NDC1: variants seen among roughly 807,000 people sequenced by gnomAD.
The protein encoded by NDC1 is nucleoporin NDC1.
NDC1 carries 24 observed loss-of-function variants against 89.8 expected under a neutral mutation model. That is an observed-to-expected ratio of 0.27 (90% CI 0.19 to 0.38). The LOEUF is 0.38. Among genes scored for constraint, NDC1 ranks in the 10% least tolerant of loss-of-function variants. The pLI is 1.00. For synonymous variants in NDC1, 296 were observed against 284.8 expected (o/e 1.04, Z -0.39); for missense variants, 728 against 797.6 (o/e 0.91, Z 1.05).
At chr1:53,788,664 T>G (rs1294874641) in intron 15 of NDC1, among the ~76,000 whole-genome samples, 1 of 151,984 alleles carries the variant, frequency 6.6e-6, no homozygotes, top group Non-Finnish European at 1.5e-5. Context: ...TGACCTCAGG[T>G]GATCCACCTG....
At position 53,800,259 on chromosome 1, in the gene NDC1, T is replaced by C. The variant is rs139157954; in HGVS notation, c.1222+434A>G. Among the ~76,000 whole-genome samples the C allele has an allele frequency of 3.6e-3, 542 of 152,152 alleles. 4 individuals are homozygous for C. The highest frequency in any genetic ancestry group is 0.012 in the African/African-American group (488 of 41,494). Reference sequence around the variant, plus strand: ...TTTCTTGGTTCAATATAAGATGCTATATGTTGGATCAATTTTCCCTAAAAA... The same window carrying C: ...TTTCTTGGTTCAATATAAGATGCTACATGTTGGATCAATTTTCCCTAAAAA... On this transcript the variant is annotated intron_variant, in intron 11 of 17. Coordinates refer to ENST00000371429, the MANE Select transcript of NDC1 (RefSeq NM_018087.5).
intron 16 of NDC1, among the ~76,000 whole-genome samples, chr1:53,774,903 T>TA (rs1553146471): frequency 6.6e-6 from 1 of 151,900 alleles, no homozygotes; most frequent in Non-Finnish European, 1.5e-5. Context: ...AAAAACTAAA[T>TA]AAATAAAATA....
At chr1:53,797,446 C>G (rs1647757729) in intron 11 of NDC1, among the ~76,000 whole-genome samples, 1 of 152,132 alleles carries the variant, frequency 6.6e-6, no homozygotes, top group Non-Finnish European at 1.5e-5. Context: ...ATGAACTCAT[C>G]AATTCACATT....
intron 17 of NDC1, chr1:53,771,145 G>T: frequency 5.2e-6 from 1 of 194,036 alleles, no homozygotes; most frequent in South Asian, 1.2e-4. Flanking sequence ...AAGGTCTACG[G>T]GTATGCCCTT....
At chr1:53,798,169 T>TTATTATTAA (rs1647786504) in intron 11 of NDC1, among the ~76,000 whole-genome samples, 1 of 146,686 alleles carries the variant, frequency 6.8e-6, no homozygotes, top group Non-Finnish European at 1.5e-5. Flanking sequence ...ATTATTATTA[T>TTATTATTAA]TATTATTATT....
chr1:53,837,217 C>A (rs1183558899), intron 1 of NDC1, among the ~76,000 whole-genome samples: 1 of 152,092 alleles, frequency 6.6e-6, no homozygotes, highest in Non-Finnish European at 1.5e-5. Context: ...ACTAGTTGAG[C>A]CCAGGAGCTC....
intron 14 of NDC1, among the ~76,000 whole-genome samples, chr1:53,789,551 C>T (rs1453342529): frequency 1.3e-5 from 2 of 152,220 alleles, no homozygotes; most frequent in Non-Finnish European, 2.9e-5. Flanking sequence ...TGCAGTGGCT[C>T]ATGCCTGTAA....
chr1:53,784,253 A>ACG (rs1226599504), intron 16 of NDC1, among the ~76,000 whole-genome samples: 3 of 145,986 alleles, frequency 2.1e-5, no homozygotes, highest in Non-Finnish European at 3.1e-5. Flanking sequence ...ACACACACGC[A>ACG]CACACTATAT....
chr1:53,819,134 A>G (rs937707706), intron 5 of NDC1, 55 bp from the exon 6 acceptor site: 2 of 823,070 alleles, frequency 2.4e-6, no homozygotes, highest in South Asian at 3.1e-5. Context: ...TGATACACTC[A>G]ACATCACCTT....
intron 6 of NDC1, among the ~76,000 whole-genome samples, chr1:53,815,590 A>T (rs1429836675): frequency 1.3e-5 from 2 of 152,228 alleles, no homozygotes; most frequent in Non-Finnish European, 2.9e-5. Context: ...TAGTACTGGA[A>T]GTCCTAGCTA....
chr1:53,808,445 C>CATATAAGAGTGGCAT (rs1648188670), intron 7 of NDC1, among the ~76,000 whole-genome samples: 3 of 152,330 alleles, frequency 2.0e-5, no homozygotes, highest in East Asian at 3.9e-4. Context: ...TTTCCTCATC[C>CATATAAGAGTGGCAT]ATATAAGAGT....
intron 13 of NDC1, among the ~76,000 whole-genome samples, chr1:53,794,452 C>T (rs541290441): frequency 1.1e-3 from 169 of 152,276 alleles, no homozygotes; most frequent in African/African-American, 3.8e-3. Flanking sequence ...GAAAGTGACA[C>T]GGCAGTACTA....
intron 7 of NDC1, among the ~76,000 whole-genome samples, chr1:53,808,381 T>C (rs1048710276): frequency 1.3e-5 from 2 of 151,874 alleles, no homozygotes; most frequent in African/African-American, 4.9e-5. Flanking sequence ...AACCTGACTC[T>C]GCCATTTCTA....
intron 10 of NDC1, 91 bp from the exon 11 acceptor site, chr1:53,800,939 T>C: frequency 2.3e-6 from 3 of 1,288,206 alleles, no homozygotes; most frequent in Non-Finnish European, 3.2e-6. Context: ...AATTCTACAT[T>C]ATGCTTGGCA....
At chr1:53,834,241 G>C (rs923948200) in intron 2 of NDC1, among the ~76,000 whole-genome samples, 2 of 152,242 alleles carry the variant, frequency 1.3e-5, no homozygotes, top group East Asian at 1.9e-4. Context: ...TTTGTCCCCA[G>C]TGCCAATTGT....
At chr1:53,822,887 T>C (rs950323806) in intron 5 of NDC1, among the ~76,000 whole-genome samples, 10 of 152,144 alleles carry the variant, frequency 6.6e-5, no homozygotes, top group Non-Finnish European at 1.0e-4. Context: ...TCGCGCTCTA[T>C]AGAGGGTCAG....
intron 2 of NDC1, among the ~76,000 whole-genome samples, chr1:53,835,056 TG>T (rs1354628300): frequency 6.6e-6 from 1 of 152,222 alleles, no homozygotes; most frequent in African/African-American, 2.4e-5. Flanking sequence ...GCACTCAGCC[TG>T]GGTGACAGAG....
intron 7 of NDC1, among the ~76,000 whole-genome samples, chr1:53,809,042 C>A (rs1306688351): frequency 6.6e-6 from 1 of 152,188 alleles, no homozygotes; most frequent in East Asian, 1.9e-4. Context: ...ATTACTACAA[C>A]AATATACAAC....
intron 11 of NDC1, 137 bp from the exon 12 acceptor site, chr1:53,797,281 T>G: frequency 1.3e-6 from 1 of 799,824 alleles, no homozygotes; most frequent in South Asian, 1.8e-5. Flanking sequence ...CCATTTATGA[T>G]TATAGTCTCA....
Sources: allele counts gnomAD v4.1 joint callset (sites outside exome capture counted in the v4.1 genomes callset), GRCh38; gene constraint gnomAD v4.1.1; transcripts MANE v1.5; gene names NCBI Gene and HGNC (gene_info 2026-07-23, HGNC 2026-07-21).